Variants in LMBR1 observed in about 807,000 individuals in gnomAD.
The protein encoded by LMBR1 is limb region 1 protein homolog.
LMBR1 carries 52 observed loss-of-function variants against 73.9 expected under a neutral mutation model. The ratio of observed to expected loss-of-function variants is 0.70; its 90% confidence interval spans 0.56 to 0.89. LMBR1 has a LOEUF of 0.89. Ranked by LOEUF, LMBR1 falls within the 40% of genes least tolerant of loss-of-function variation. LMBR1 has a pLI of 0.00. For missense variants in LMBR1, 539 were observed against 579.8 expected (o/e 0.93, Z 0.72); for synonymous variants, 215 against 209.4 (o/e 1.03, Z -0.23).
At chr7:156,814,861 T>C (rs1201506178) in intron 4 of LMBR1, among the ~76,000 whole-genome samples, 1 of 152,064 alleles carries the variant, frequency 6.6e-6, no homozygotes, top group African/African-American at 2.4e-5. Flanking sequence ...CTCAACATCA[T>C]AAAAATGGTA....
intron 5 of LMBR1, among the ~76,000 whole-genome samples, chr7:156,795,940 T>G (rs896423871): frequency 6.6e-6 from 1 of 152,214 alleles, no homozygotes; most frequent in African/African-American, 2.4e-5. Context: ...AATGTCAGGT[T>G]TGACTGCCAG....
intron 1 of LMBR1, among the ~76,000 whole-genome samples, chr7:156,851,120 C>A (rs991685850): frequency 3.9e-5 from 6 of 152,178 alleles, no homozygotes; most frequent in African/African-American, 1.4e-4. Context: ...TCTCAAAGAG[C>A]CTGCAGAACT....
chr7:156,892,502 T>C (rs12534514), intron 1 of LMBR1: 20,762 of 153,782 alleles, frequency 0.14, 1,587 homozygotes, highest in African/African-American at 0.19. Flanking sequence ...GGGCGCGCAC[T>C]GGCGGGGCCG....
chr7:156,698,850 T>C (rs1056923558), intron 15 of LMBR1, among the ~76,000 whole-genome samples: 1 of 152,228 alleles, frequency 6.6e-6, no homozygotes, highest in African/African-American at 2.4e-5. Flanking sequence ...TATGCAAACT[T>C]CTGCAGCTGG....
downstream of LMBR1, among the ~76,000 whole-genome samples, chr7:156,673,384 TCTA>T (rs1487103817): frequency 3.3e-5 from 5 of 152,218 alleles, no homozygotes; most frequent in African/African-American, 1.2e-4. Flanking sequence ...AGAGAACTCT[TCTA>T]CTTTCAATAA....
At chr7:156,671,884 G>A (rs7803361) in intron 4 of LMBR1, among the ~76,000 whole-genome samples, 91,233 of 152,002 alleles carry the variant, frequency 0.6, 29,026 homozygotes, top group African/African-American at 0.81. Flanking sequence ...GAAAATAAAC[G>A]GTTCTAAATA....
intron 3 of LMBR1, chr7:156,833,530 C>A (rs1453283366): frequency 2.0e-6 from 1 of 501,710 alleles, no homozygotes; most frequent in Non-Finnish European, 3.4e-6. Flanking sequence ...ATTTAATCCC[C>A]TGAGGATAAA....
chr7:156,698,568 T>C (rs1808867212), intron 15 of LMBR1, among the ~76,000 whole-genome samples: 1 of 152,276 alleles, frequency 6.6e-6, no homozygotes, highest in African/African-American at 2.4e-5. Flanking sequence ...CAACACCACA[T>C]AGAAGCTGCC....
At chr7:156,756,567 A>T (rs1585586749) in intron 8 of LMBR1, 102 bp from the exon 9 acceptor site, 1 of 646,704 alleles carries the variant, frequency 1.5e-6, no homozygotes, top group East Asian at 2.8e-5. Flanking sequence ...TAACGTATTC[A>T]TTCAAATTTC....
chr7:156,808,606 T>G (rs372301953), intron 4 of LMBR1, among the ~76,000 whole-genome samples: 2 of 152,242 alleles, frequency 1.3e-5, no homozygotes, highest in African/African-American at 4.8e-5. Flanking sequence ...TTTAAATCTA[T>G]CAACTTGCTT....
chr7:156,738,372 G>A (rs1306744570), intron 9 of LMBR1, among the ~76,000 whole-genome samples: 2 of 152,186 alleles, frequency 1.3e-5, no homozygotes, highest in Non-Finnish European at 2.9e-5. Flanking sequence ...GGGCTACAGT[G>A]CTCTGGGGTC....
intron 10 of LMBR1, among the ~76,000 whole-genome samples, chr7:156,729,505 G>A (rs1202016926): frequency 8.0e-5 from 11 of 138,044 alleles, no homozygotes; most frequent in East Asian, 2.1e-4. Context: ...ATGGAGTCTC[G>A]CTCTGTCTCC....
intron 8 of LMBR1, among the ~76,000 whole-genome samples, chr7:156,758,431 T>C (rs1822313850): frequency 6.6e-6 from 1 of 152,250 alleles, no homozygotes; most frequent in Admixed American, 6.5e-5. Flanking sequence ...TTTGGATATT[T>C]GTCCCTTCAG....
intron 1 of LMBR1, among the ~76,000 whole-genome samples, chr7:156,854,793 G>T (rs1469731954): frequency 1.3e-5 from 2 of 152,090 alleles, no homozygotes; most frequent in African/African-American, 4.8e-5. Context: ...ATAATAACAG[G>T]AGATTACAGC....
At chr7:156,735,091 G>A (rs962310675) in intron 9 of LMBR1, among the ~76,000 whole-genome samples, 4 of 152,122 alleles carry the variant, frequency 2.6e-5, no homozygotes, top group Admixed American at 1.3e-4. Flanking sequence ...AAACATTCTT[G>A]TATGCCCATC....
chr7:156,750,201 C>T (rs1383407720), intron 9 of LMBR1, among the ~76,000 whole-genome samples: 2 of 152,154 alleles, frequency 1.3e-5, no homozygotes, highest in Non-Finnish European at 2.9e-5. Context: ...ACCCAGTACA[C>T]CCATAGGCTA....
intron 15 of LMBR1, among the ~76,000 whole-genome samples, chr7:156,710,081 T>C (rs1280351850): frequency 6.6e-6 from 1 of 151,656 alleles, no homozygotes; most frequent in Non-Finnish European, 1.5e-5. Flanking sequence ...ATTTTGTGTA[T>C]TTTTTAGTAG....
At chr7:156,829,070 T>C (rs1195937983) in intron 3 of LMBR1, among the ~76,000 whole-genome samples, 3 of 152,184 alleles carry the variant, frequency 2.0e-5, no homozygotes, top group African/African-American at 7.2e-5. Flanking sequence ...CAACTGGGAT[T>C]AGATTGTACA....
At chr7:156,854,139 G>A (rs1056584223) in intron 1 of LMBR1, among the ~76,000 whole-genome samples, 2 of 152,106 alleles carry the variant, frequency 1.3e-5, no homozygotes, top group Admixed American at 1.3e-4. Context: ...GAAAAAAACT[G>A]AACAAACTGA....
Sources: allele counts gnomAD v4.1 joint callset (sites outside exome capture counted in the v4.1 genomes callset), GRCh38; gene constraint gnomAD v4.1.1; transcripts MANE v1.5; gene names NCBI Gene and HGNC (gene_info 2026-07-23, HGNC 2026-07-21).